Variants in GPM6A observed in about 807,000 individuals in gnomAD.
GPM6A encodes the protein glycoprotein M6A.
Under a neutral mutation model 32.1 loss-of-function variants are expected in GPM6A, and 7 were observed. The ratio of observed to expected loss-of-function variants is 0.22; its 90% CI spans 0.12 to 0.41. The LOEUF (loss-of-function observed/expected upper bound fraction) is 0.41, where lower values mean the gene tolerates loss of function less well. Ranked by LOEUF, GPM6A falls within the 10% of genes least tolerant of loss-of-function variation. The probability of loss-of-function intolerance (pLI) is 1.00; values close to 1 mark genes in which losing one functional copy is unlikely to be tolerated. For missense variants in GPM6A, 235 were observed against 347.2 expected (o/e 0.68, Z 2.57); for synonymous variants, 130 against 123.4 (o/e 1.05, Z -0.35).
intron 4 of GPM6A, among the ~76,000 whole-genome samples, chr4:175,646,855 T>C (rs1227867915): frequency 6.6e-6 from 1 of 152,174 alleles, no homozygotes; most frequent in East Asian, 1.9e-4. Flanking sequence ...CTAATTCCTG[T>C]TTTACATTCC....
chr4:175,790,054 T>C (rs1385472352), intron 1 of GPM6A, among the ~76,000 whole-genome samples: 1 of 152,236 alleles, frequency 6.6e-6, no homozygotes, highest in Non-Finnish European at 1.5e-5. Flanking sequence ...TTCGTAATCA[T>C]CTAAGTGAAT....
At chr4:175,980,214 G>T (rs1242725083) in intron 1 of GPM6A, among the ~76,000 whole-genome samples, 2 of 152,144 alleles carry the variant, frequency 1.3e-5, no homozygotes, top group African/African-American at 4.8e-5. Context: ...AGAAATAGCT[G>T]GGCGTGGTGG....
intron 1 of GPM6A, among the ~76,000 whole-genome samples, chr4:175,885,990 C>T (rs960962970): frequency 7.3e-5 from 11 of 150,810 alleles, no homozygotes; most frequent in African/African-American, 2.5e-5. Context: ...AAAGATAAAA[C>T]GTAAAATAAA....
chr4:175,670,667 A>G (rs1488042459), intron 3 of GPM6A, among the ~76,000 whole-genome samples: 1 of 152,120 alleles, frequency 6.6e-6, no homozygotes, highest in Non-Finnish European at 1.5e-5. Context: ...AAAATTTAAT[A>G]TTGTGGTTTT....
chr4:175,641,793 A>T (rs1741163098), intron 4 of GPM6A: 1 of 152,102 alleles, frequency 6.6e-6, no homozygotes. Flanking sequence ...GGGTTCAAGT[A>T]ATTCTCATGC....
At chr4:175,757,303 C>T (rs1041112130) in intron 1 of GPM6A, among the ~76,000 whole-genome samples, 6 of 152,056 alleles carry the variant, frequency 3.9e-5, no homozygotes, top group Non-Finnish European at 7.4e-5. Flanking sequence ...GAATGAATCA[C>T]CTTGGAAGTG....
chr4:175,672,248 T>A (rs901937326), intron 3 of GPM6A, among the ~76,000 whole-genome samples: 8 of 152,212 alleles, frequency 5.3e-5, no homozygotes, highest in African/African-American at 1.4e-4. Flanking sequence ...GACCCCCTTA[T>A]CTCTTTATTT....
intron 1 of GPM6A, chr4:175,807,055 G>C (rs901212249): frequency 1.3e-5 from 2 of 152,048 alleles, no homozygotes; most frequent in Non-Finnish European, 2.9e-5. Context: ...TGTTGTTTTT[G>C]TTATTTTCTT....
intron 1 of GPM6A, among the ~76,000 whole-genome samples, chr4:175,911,425 T>A (rs1738312048): frequency 1.3e-5 from 2 of 152,198 alleles, no homozygotes; most frequent in Admixed American, 1.3e-4. Flanking sequence ...CACCTTGGAA[T>A]ATGTTAGCTA....
intron 2 of GPM6A, among the ~76,000 whole-genome samples, chr4:175,690,750 T>C (rs1442720748): frequency 6.6e-6 from 1 of 152,212 alleles, no homozygotes; most frequent in Non-Finnish European, 1.5e-5. Context: ...GAGGATCTGC[T>C]CACCTCAGGA....
chr4:175,637,965 C>G (rs571344330), intron 6 of GPM6A, among the ~76,000 whole-genome samples: 25 of 141,528 alleles, frequency 1.8e-4, no homozygotes, highest in African/African-American at 6.6e-4. Flanking sequence ...GGTGCTTCCT[C>G]ATGGTTCTTA....
chr4:175,999,981 A>T (rs753935098), intron 1 of GPM6A, among the ~76,000 whole-genome samples: 3 of 152,064 alleles, frequency 2.0e-5, no homozygotes, highest in Non-Finnish European at 4.4e-5. Flanking sequence ...TATTTCCCCT[A>T]TGCACTTCCT....
At chr4:175,868,582 T>G (rs1342256785) in intron 1 of GPM6A, among the ~76,000 whole-genome samples, 1 of 152,232 alleles carries the variant, frequency 6.6e-6, no homozygotes, top group Non-Finnish European at 1.5e-5. Context: ...AATTTGTTAT[T>G]CAAAAATATG....
chr4:175,820,886 G>A (rs890687910), intron 1 of GPM6A, among the ~76,000 whole-genome samples: 4 of 152,122 alleles, frequency 2.6e-5, no homozygotes, highest in Admixed American at 6.5e-5. Flanking sequence ...ATGTATATGC[G>A]GATCTGTTGA....
At chr4:175,692,836 T>C (rs771931484) in intron 2 of GPM6A, among the ~76,000 whole-genome samples, 1 of 152,278 alleles carries the variant, frequency 6.6e-6, no homozygotes, top group African/African-American at 2.4e-5. Context: ...AAAATTTTGG[T>C]AAAATATAAA....
chr4:175,690,623 A>G (rs931991981), intron 2 of GPM6A, among the ~76,000 whole-genome samples: 5 of 152,290 alleles, frequency 3.3e-5, no homozygotes, highest in African/African-American at 1.2e-4. Context: ...CTTCAAAGCC[A>G]GCAGGTAGCA....
At chr4:175,642,186 A>G (rs964382650) in intron 4 of GPM6A, 1 of 152,166 alleles carries the variant, frequency 6.6e-6, no homozygotes, top group Non-Finnish European at 1.5e-5. Context: ...CCTTTCTGCC[A>G]AGATGGTTCT....
At chr4:175,936,710 T>G (rs898868811) in intron 1 of GPM6A, among the ~76,000 whole-genome samples, 1 of 151,642 alleles carries the variant, frequency 6.6e-6, no homozygotes. Flanking sequence ...AAAAAACCCA[T>G]AAAAACGTAA....
intron 6 of GPM6A, among the ~76,000 whole-genome samples, chr4:175,637,851 AATAT>A (rs893178254): frequency 8.2e-6 from 1 of 121,844 alleles, no homozygotes; most frequent in African/African-American, 3.3e-5. Context: ...TATAATATAA[AATAT>A]ATAATCTATT....
Sources: gnomAD v4.1 joint callset for allele counts (sites outside exome capture counted in the v4.1 genomes callset) on GRCh38, gnomAD v4.1.1 for gene constraint, MANE v1.5 for transcripts, NCBI Gene and HGNC (gene_info 2026-07-23, HGNC 2026-07-21) for gene names.